SYCE1: variants seen among roughly 807,000 people sequenced by gnomAD.
SYCE1 encodes cancer/testis antigen 76.
SYCE1 carries 37 observed loss-of-function variants against 55.1 expected under a neutral mutation model. The ratio of observed to expected loss-of-function variants is 0.67; its 90% CI spans 0.52 to 0.88. SYCE1 has a LOEUF of 0.88. Among genes scored for constraint, SYCE1 ranks in the 40% least tolerant of loss-of-function variants. The pLI is 0.00. For missense variants in SYCE1, 399 were observed against 416.4 expected (o/e 0.96, Z 0.36); for synonymous variants, 163 against 159.4 (o/e 1.02, Z -0.17).
At chr10:133,558,065 G>A in intron 5 of SYCE1, 102 bp downstream of exon 5, 1 of 1,549,694 alleles carries the variant, frequency 6.5e-7, no homozygotes, top group Non-Finnish European at 8.9e-7. Flanking sequence ...CAGGAGAGAG[G>A]CAAGCTGGGA....
chr10:133,562,275 G>A (rs1395601216), intron 1 of SYCE1, among the ~76,000 whole-genome samples: 2 of 19,428 alleles, frequency 1.0e-4, no homozygotes, highest in Non-Finnish European at 1.1e-3. Flanking sequence ...GTGTGTGTGT[G>A]TGTGTGTGTG....
At chr10:133,554,651 T>A, downstream of SYCE1, 1 of 729,496 alleles carries the variant, frequency 1.4e-6, no homozygotes. Flanking sequence ...AATTTTTTTT[T>A]TAATTTCAGG....
At chr10:133,554,350 TTGTCATTACTTCAA>T (rs1564854184), downstream of SYCE1, 2 of 1,612,920 alleles carry the variant, frequency 1.2e-6, no homozygotes, top group African/African-American at 2.7e-5. Context: ...AGGGATCGCT[TTGTCATTACTTCAA>T]TGCATTCTGA....
upstream of SYCE1, among the ~76,000 whole-genome samples, chr10:133,566,894 G>C (rs1328123463): frequency 2.8e-5 from 1 of 36,196 alleles, no homozygotes; most frequent in Non-Finnish European, 2.2e-4. Context: ...TTACAGTTGG[G>C]TTAAGGGTTG....
intron 4 of SYCE1, 129 bp from the exon 5 acceptor site, chr10:133,558,343 A>C: frequency 1.0e-6 from 1 of 998,140 alleles, no homozygotes; most frequent in South Asian, 1.4e-5. Flanking sequence ...CCTTGAGGTG[A>C]GCCCCTCCCT....
chr10:133,557,041 C>A, intron 7 of SYCE1, 26 bp downstream of exon 7: 1 of 1,609,746 alleles, frequency 6.2e-7, no homozygotes, highest in Non-Finnish European at 8.5e-7. Flanking sequence ...CCATCCAAAC[C>A]CCCTGCCTCA....
Position 133,555,592 on chromosome 10 carries a change from C to T in SYCE1, c.830+5G>A, listed in dbSNP as rs777947876. The T allele has an allele frequency of 1.2e-5, 19 of 1,603,476 alleles. No individual in the cohort carries two copies. Among genetic ancestry groups the T allele is most frequent in the African/African-American group, 4.0e-5 (3 of 74,852 alleles). Reference sequence around the variant, plus strand: ...GGGTTGCGGGGACAGGGCCTCCACACGCACCTCTGCCGCTTCTGCTGCTGT... The same window carrying T: ...GGGTTGCGGGGACAGGGCCTCCACATGCACCTCTGCCGCTTCTGCTGCTGT... On this transcript the variant is annotated splice_donor_5th_base_variant and intron_variant, in intron 11 of 12. Transcript: ENST00000343131.
chr10:133,565,655 A>G (rs1193529731), upstream of SYCE1: 13 of 866,252 alleles, frequency 1.5e-5, no homozygotes, highest in Non-Finnish European at 2.2e-5. Flanking sequence ...GCGCCTGGAG[A>G]TGTGAGGTAA....
chr10:133,564,311 G>A (rs747212066), intron 1 of SYCE1: 15 of 888,380 alleles, frequency 1.7e-5, no homozygotes, highest in Non-Finnish European at 2.0e-5. Context: ...CCTTGATCTT[G>A]AACTTCTAGC....
chr10:133,561,949 G>C lies in SYCE1; in HGVS notation c.74-1796C>G, dbSNP rs543562822. Reference sequence around the variant, plus strand: ...AAAACAGCCAGCAAAAGGAAAAAAGGGGGGGAAGATTTTTGATTTTGACTA... The same window carrying C: ...AAAACAGCCAGCAAAAGGAAAAAAGCGGGGGAAGATTTTTGATTTTGACTA... On this transcript the variant is annotated intron_variant, in intron 1 of 12. Coordinates refer to ENST00000343131, the MANE Select transcript of SYCE1 (RefSeq NM_001143764.3). Among the ~76,000 whole-genome samples the C allele has an allele frequency of 1.9e-4, 29 of 152,118 alleles. No individual in the cohort carries two copies. In the East Asian group the frequency reaches 2.9e-3, roughly 15 times the overall value.
intron 2 of SYCE1, 119 bp from the exon 3 acceptor site, chr10:133,559,479 G>T: frequency 1.0e-6 from 1 of 968,876 alleles, no homozygotes; most frequent in Non-Finnish European, 1.6e-6. Context: ...GCAAGCAGGT[G>T]CTCTGTGGGG....
At chr10:133,565,767 T>C (rs965176962), upstream of SYCE1, among the ~76,000 whole-genome samples, 2 of 152,262 alleles carry the variant, frequency 1.3e-5, no homozygotes, top group Non-Finnish European at 2.9e-5. Context: ...CGTCCAGGCT[T>C]GCGATTGGCC....
chr10:133,555,205 C>A (rs3737032), intron 12 of SYCE1, 76 bp from the exon 13 acceptor site: 165,229 of 1,533,188 alleles, frequency 0.11, 10,261 homozygotes, highest in East Asian at 0.27. Context: ...GCCCCATCAC[C>A]ACCTTGGGTG....
chr10:133,564,223 CT>C (rs1197770463), intron 1 of SYCE1, among the ~76,000 whole-genome samples: 1 of 152,102 alleles, frequency 6.6e-6, no homozygotes, highest in Non-Finnish European at 1.5e-5. Context: ...TCTGCAGCAA[CT>C]TCCCCAACAT....
chr10:133,555,599 C>T lies in SYCE1; in HGVS notation c.828G>A (p.Gln276=). ...GGGGACAGGGCCTCCACACGCACCT[C>T]TGCCGCTTCTGCTGCTGTTGTTGGC... is the stretch of plus-strand genomic sequence containing the variant. ...QKCQQQQQKR[Q]RLKEELEKHG... Residue 276 remains glutamine, a splice_region_variant and synonymous_variant, in exon 11 of 13, where the codon CAG becomes CAA. Transcript: ENST00000343131. 1 of 1,604,268 alleles carries T rather than the reference C, an allele frequency of 6.2e-7. No homozygotes were observed. Among genetic ancestry groups the T allele is most frequent in the Non-Finnish European group, 8.5e-7 (1 of 1,178,848 alleles).
chr10:133,565,592 C>T (rs891217953), upstream of SYCE1: 7 of 1,506,622 alleles, frequency 4.6e-6, no homozygotes, highest in South Asian at 1.2e-5. Flanking sequence ...TTGGAGCAAC[C>T]GCCGCTGGGG....
intron 1 of SYCE1, among the ~76,000 whole-genome samples, chr10:133,564,977 G>A (rs1851892012): frequency 6.6e-6 from 1 of 151,922 alleles, no homozygotes; most frequent in African/African-American, 2.4e-5. Flanking sequence ...AGAAACAAAC[G>A]GGGGATCTGC....
At chr10:133,567,897 G>A (rs1261348592), upstream of SYCE1, 4 of 504,914 alleles carry the variant, frequency 7.9e-6, no homozygotes, top group Non-Finnish European at 1.5e-5. Context: ...AGGCTGAGGC[G>A]GCGTGGGCAG....
chr10:133,567,427 G>C (rs1397108698), upstream of SYCE1, among the ~76,000 whole-genome samples: 3 of 149,388 alleles, frequency 2.0e-5, no homozygotes, highest in African/African-American at 7.3e-5. Context: ...TTAAGGGTCA[G>C]CGTTAGGGTC....
Sources: allele counts gnomAD v4.1 joint callset (sites outside exome capture counted in the v4.1 genomes callset), GRCh38; gene constraint gnomAD v4.1.1; transcripts MANE v1.5; gene names NCBI Gene and HGNC (gene_info 2026-07-23, HGNC 2026-07-21).